VPS35: variants seen among roughly 807,000 people sequenced by gnomAD.
VPS35 encodes VPS35 retromer complex component.
Under a neutral mutation model 98.1 loss-of-function variants are expected in VPS35, and 21 were observed. The ratio of observed to expected loss-of-function variants is 0.21; its 90% confidence interval spans 0.15 to 0.31. The LOEUF (loss-of-function observed/expected upper bound fraction) is 0.31, where lower values mean the gene tolerates loss of function less well. Ranked by LOEUF, VPS35 falls within the 10% of genes least tolerant of loss-of-function variation. The pLI is 1.00. For missense variants in VPS35, 554 were observed against 950.8 expected, an observed-to-expected ratio of 0.58 and a Z score of 5.49; for synonymous variants, 268 against 318.2, an observed-to-expected ratio of 0.84 and a Z score of 1.68.
intron 8 of VPS35, 99 bp downstream of exon 8, chr16:46,676,484 T>C: frequency 1.3e-6 from 1 of 772,826 alleles, no homozygotes; most frequent in Non-Finnish European, 2.3e-6. Flanking sequence ...AGATCATTGG[T>C]ATGATAAAGA....
At chr16:46,677,281 G>A in intron 7 of VPS35, 34 bp downstream of exon 7, 2 of 1,563,828 alleles carry the variant, frequency 1.3e-6, no homozygotes, top group Non-Finnish European at 1.8e-6. Context: ...GATAAAATAG[G>A]TCGTTTAAAA....
At chr16:46,681,587 G>T in intron 3 of VPS35, 87 bp from the exon 4 acceptor site, 1 of 1,464,210 alleles carries the variant, frequency 6.8e-7, no homozygotes, top group Non-Finnish European at 9.5e-7. Context: ...CTAACTACTG[G>T]GCAGACATCT....
At chr16:46,677,595 GCACAATCTCCA>G in intron 6 of VPS35, 197 bp from the exon 7 acceptor site, 1 of 562,648 alleles carries the variant, frequency 1.8e-6, no homozygotes, top group Non-Finnish European at 3.2e-6. Flanking sequence ...GAGTGAAGTG[GCACAATCTCCA>G]CTCAATGCAA....
At chr16:46,683,891 A>AT (rs1966273379) in intron 1 of VPS35, among the ~76,000 whole-genome samples, 1 of 151,898 alleles carries the variant, frequency 6.6e-6, no homozygotes, top group South Asian at 2.1e-4. Flanking sequence ...CACCCGGCTA[A>AT]TTTTTTTTCT....
chr16:46,681,592 A>G, intron 3 of VPS35, 92 bp from the exon 4 acceptor site: 1 of 1,445,480 alleles, frequency 6.9e-7, no homozygotes, highest in Admixed American at 1.8e-5. Context: ...TACTGGGCAG[A>G]CATCTTAAGT....
intron 1 of VPS35, chr16:46,688,724 G>A (rs930883955): frequency 1.7e-5 from 20 of 1,172,718 alleles, no homozygotes; most frequent in South Asian, 2.3e-5. Flanking sequence ...ACATCTGGGC[G>A]GGTCCCGGCG....
chr16:46,669,364 T>C (rs1252961194), intron 12 of VPS35: 1 of 363,522 alleles, frequency 2.8e-6, no homozygotes, highest in African/African-American at 2.1e-5. Context: ...TATGCTGCAC[T>C]GATAAAGAAT....
intron 8 of VPS35, among the ~76,000 whole-genome samples, chr16:46,675,725 AG>A (rs1320870497): frequency 6.6e-6 from 1 of 152,188 alleles, no homozygotes; most frequent in Non-Finnish European, 1.5e-5. Context: ...AATGCTTACA[AG>A]TGTAGGACAG....
In VPS35 at chr16:46,671,904, T is replaced by A. The variant is rs756383661; in HGVS notation, c.1369-44A>T. 3.7e-6 allele frequency: 6 copies of A among 1,610,098 alleles called. No homozygotes were observed. The South Asian group carries it at 5.5e-5, about 15-fold the overall frequency. On this transcript the variant is annotated intron_variant, in intron 11 of 16. Coordinates refer to ENST00000299138, the MANE Select transcript of VPS35 (RefSeq NM_018206.6). Reference sequence around the variant, plus strand: ...AAGAAACCCACTGAGGTGAAACCATTGGCATACAAAGCCATTATCAAAAGT... The same window carrying A: ...AAGAAACCCACTGAGGTGAAACCATAGGCATACAAAGCCATTATCAAAAGT...
chr16:46,662,515 G>T, intron 14 of VPS35, 33 bp from the exon 15 acceptor site: 1 of 1,610,756 alleles, frequency 6.2e-7, no homozygotes. Context: ...GACTTTCAAG[G>T]ACCAACCATC....
chr16:46,687,562 G>A (rs1966336441), intron 1 of VPS35, among the ~76,000 whole-genome samples: 1 of 152,068 alleles, frequency 6.6e-6, no homozygotes, highest in African/African-American at 2.4e-5. Flanking sequence ...AAAGCACTGA[G>A]TTGACAATGT....
intron 13 of VPS35, among the ~76,000 whole-genome samples, chr16:46,664,803 G>A (rs1257878673): frequency 1.3e-5 from 2 of 152,210 alleles, no homozygotes; most frequent in African/African-American, 2.4e-5. Context: ...TTACAGGCGT[G>A]AGCCACTGCA....
At position 46,660,252 on chromosome 16, in the gene VPS35, A is replaced by G. The variant is rs1283961265; in HGVS notation, c.*220T>C. 5.2e-6 allele frequency: 2 copies of G among 387,158 alleles called. No individual in the cohort carries two copies. The highest frequency in any genetic ancestry group is 9.1e-6 in the Non-Finnish European group (2 of 220,656). The allele number at this position is 387,158 out of a possible 1,614,324, so 24.0% of individuals were successfully genotyped here. A position where few individuals can be genotyped will look rare whatever the true frequency, so the allele number is the denominator to read the frequency against. Reference sequence around the variant, plus strand: ...TTTTAAATTGCAGATCAGTCATGCTACTTGGGGTGATCAGAAAGACTTGAA... The same window carrying G: ...TTTTAAATTGCAGATCAGTCATGCTGCTTGGGGTGATCAGAAAGACTTGAA... On this transcript the variant is annotated 3_prime_UTR_variant, in exon 17 of 17. Transcript: ENST00000299138.
intron 13 of VPS35, 46 bp from the exon 14 acceptor site, chr16:46,663,208 A>G: frequency 6.4e-7 from 1 of 1,553,734 alleles, no homozygotes; most frequent in Non-Finnish European, 8.8e-7. Flanking sequence ...TTCAAAATTA[A>G]CTTGTTCCAG....
At chr16:46,686,577 A>C (rs907747730) in intron 1 of VPS35, among the ~76,000 whole-genome samples, 8 of 152,206 alleles carry the variant, frequency 5.3e-5, no homozygotes, top group Non-Finnish European at 4.4e-5. Flanking sequence ...ATAGTAAAGC[A>C]ATCTATTTTT....
chr16:46,683,657 T>C (rs1306074659), intron 1 of VPS35, 51 bp from the exon 2 acceptor site: 1 of 1,488,104 alleles, frequency 6.7e-7, no homozygotes, highest in African/African-American at 1.4e-5. Flanking sequence ...TTCTAGCAAG[T>C]ACGTTATTTC....
intron 13 of VPS35, among the ~76,000 whole-genome samples, chr16:46,664,475 A>G (rs60500837): frequency 0.18 from 27,765 of 150,272 alleles, 2,955 homozygotes; most frequent in African/African-American, 0.29. Flanking sequence ...CTTGAGAGTT[A>G]AAATCGATTC....
chr16:46,663,771 T>C (rs942365001), intron 13 of VPS35, among the ~76,000 whole-genome samples: 3 of 150,434 alleles, frequency 2.0e-5, no homozygotes, highest in South Asian at 2.1e-4. Context: ...TCACAGCTCA[T>C]TGCAGCCTTG....
rs1330165853 is a variant in VPS35 at position 46,674,672 on chromosome 16, A to C, written c.915-12T>G. ...CAAATAAAGCTAATCTAAAAAAAAA[A>C]AAAACACCCCTTTATTTTAAAAGAT... On this transcript the variant is annotated splice_polypyrimidine_tract_variant and intron_variant, in intron 8 of 16. Transcript: ENST00000299138. 2 of 1,592,796 alleles carry C rather than the reference A, an allele frequency of 1.3e-6. No homozygotes were observed. The highest frequency in any genetic ancestry group is 2.7e-5 in the African/African-American group (2 of 74,252).
Sources: gnomAD v4.1 joint callset for allele counts (sites outside exome capture counted in the v4.1 genomes callset) on GRCh38, gnomAD v4.1.1 for gene constraint, MANE v1.5 for transcripts, NCBI Gene and HGNC (gene_info 2026-07-23, HGNC 2026-07-21) for gene names.